VWF: variants seen among roughly 807,000 people sequenced by gnomAD.
VWF encodes Factor VIII related antigen.
A neutral mutation model predicts 308.6 loss-of-function variants in VWF; 176 were observed. That is an observed-to-expected ratio of 0.57 (90% CI 0.50 to 0.65). The LOEUF is 0.65. VWF is among the 30% of genes least tolerant of loss of function. VWF has a pLI of 0.00. For missense variants in VWF, 3,146 were observed against 3,648.2 expected (o/e 0.86, Z 3.55); for synonymous variants, 1,385 against 1,443.4 (o/e 0.96, Z 0.92).
intron 42 of VWF, among the ~76,000 whole-genome samples, chr12:5,981,189 G>A (rs1359284367): frequency 2.6e-5 from 4 of 152,180 alleles, no homozygotes; most frequent in Admixed American, 2.0e-4. Context: ...GAATGGATGG[G>A]TGGATAGATG....
At chr12:6,098,013 G>A (rs1945123679) in intron 5 of VWF, among the ~76,000 whole-genome samples, 1 of 152,184 alleles carries the variant, frequency 6.6e-6, no homozygotes, top group Non-Finnish European at 1.5e-5. Context: ...GACTTCTAGG[G>A]TCGTTTTTAG....
intron 20 of VWF, among the ~76,000 whole-genome samples, chr12:6,032,418 T>A (rs1309045731): frequency 2.0e-5 from 3 of 151,266 alleles, no homozygotes; most frequent in African/African-American, 7.3e-5. Context: ...GGCGGGCGGA[T>A]CACGAGGTCA....
chr12:6,047,630 CCTAA>C (rs1565842899), intron 16 of VWF, among the ~76,000 whole-genome samples: 1 of 152,226 alleles, frequency 6.6e-6, no homozygotes, highest in Admixed American at 6.5e-5. Flanking sequence ...GTAAAAGTCT[CCTAA>C]CTGACTGCAT....
chr12:6,052,880 T>C, intron 15 of VWF, 97 bp from the exon 16 acceptor site: 1 of 1,466,154 alleles, frequency 6.8e-7, no homozygotes, highest in Non-Finnish European at 9.1e-7. Flanking sequence ...TGACCCCCAA[T>C]TATTTAATTA....
At chr12:5,984,893 T>C (rs1316834728) in intron 40 of VWF, 152 bp downstream of exon 40, 1 of 765,650 alleles carries the variant, frequency 1.3e-6, no homozygotes, top group Non-Finnish European at 2.2e-6. Flanking sequence ...GAGGTAACCC[T>C]TTCCACTTTT....
At chr12:5,978,289 G>C (rs1005482834) in intron 42 of VWF, among the ~76,000 whole-genome samples, 7 of 151,868 alleles carry the variant, frequency 4.6e-5, no homozygotes, top group Non-Finnish European at 7.4e-5. Context: ...TTGAGACAAA[G>C]TCTCACTCTG....
chr12:6,026,914 A>G (rs565602666), intron 22 of VWF, among the ~76,000 whole-genome samples: 25 of 152,332 alleles, frequency 1.6e-4, no homozygotes, highest in African/African-American at 5.8e-4. Flanking sequence ...TAAAAATAAT[A>G]ATAAAACAAA....
chr12:6,034,595 C>A, intron 20 of VWF, 93 bp downstream of exon 20: 1 of 1,597,874 alleles, frequency 6.3e-7, no homozygotes, highest in Non-Finnish European at 8.6e-7. Flanking sequence ...AGAGTTGTTT[C>A]TGCAGACAGA....
At chr12:6,083,222 G>A (rs1944933663) in intron 6 of VWF, among the ~76,000 whole-genome samples, 1 of 151,970 alleles carries the variant, frequency 6.6e-6, no homozygotes, top group South Asian at 2.1e-4. Context: ...TTGCCATGTT[G>A]GAAGGGTAGT....
At chr12:6,110,784 C>T in intron 4 of VWF, 82 bp downstream of exon 4, 1 of 1,472,510 alleles carries the variant, frequency 6.8e-7, no homozygotes, top group Non-Finnish European at 9.5e-7. Context: ...ATTCTCTGGG[C>T]CCCAGCTTCC....
intron 20 of VWF, among the ~76,000 whole-genome samples, chr12:6,033,464 G>A (rs1351124683): frequency 6.6e-6 from 1 of 152,246 alleles, no homozygotes. Flanking sequence ...GGTCCTTGCT[G>A]CACTGAATTA....
chr12:6,058,592 T>G lies in VWF; in HGVS notation c.1534-548A>C, dbSNP rs1432082386. The stretch of plus-strand genomic sequence containing the variant: ...CTCACGGTTAATGACAAGAAACACC[T>G]CCCCACAACCTGCTGCCTGCCACTC... On this transcript the variant is annotated intron_variant, in intron 13 of 51. Coordinates refer to ENST00000261405, the MANE Select transcript of VWF (RefSeq NM_000552.5). The surrounding 1 kb of genome is among the most constrained non-coding windows in gnomAD (Gnocchi z 4.9). Among the ~76,000 whole-genome samples the G allele has an allele frequency of 2.0e-5, 3 of 151,814 alleles. No homozygotes were observed. The highest frequency in any genetic ancestry group is 6.6e-5 in the Admixed American group (1 of 15,254).
At chr12:6,001,490 CA>C (rs937371827) in intron 34 of VWF, among the ~76,000 whole-genome samples, 1 of 151,290 alleles carries the variant, frequency 6.6e-6, no homozygotes, top group East Asian at 1.9e-4. Context: ...AAATTCTAGC[CA>C]AAAAAAAGAT....
At chr12:5,964,069 T>G (rs962253739) in intron 47 of VWF, among the ~76,000 whole-genome samples, 39 of 151,986 alleles carry the variant, frequency 2.6e-4, no homozygotes, top group African/African-American at 8.7e-4. Flanking sequence ...AGAAAAAAAT[T>G]AGCTGGGCAT....
At chr12:6,017,029 G>T (rs1364711131) in intron 28 of VWF, among the ~76,000 whole-genome samples, 159 bp from the exon 29 acceptor site, 1 of 152,240 alleles carries the variant, frequency 6.6e-6, no homozygotes, top group African/African-American at 2.4e-5. Context: ...GGCAATGTGG[G>T]CCAGGGAGGA....
At position 5,961,261 on chromosome 12, in the gene VWF, T is replaced by C. The variant is rs1202127067; in HGVS notation, c.7887+6225A>G. ...GAAATAAGGTGCATAATAAACATAATGCATCTGACTCATCCCAAAACAATC... is the reference window on the plus strand; with the variant it reads ...GAAATAAGGTGCATAATAAACATAACGCATCTGACTCATCCCAAAACAATC... On this transcript the variant is annotated intron_variant, in intron 47 of 51. Transcript: ENST00000261405. Among the ~76,000 whole-genome samples, 3 of 152,278 alleles carry C rather than the reference T, an allele frequency of 2.0e-5. No homozygotes were observed. The East Asian group carries it at 5.8e-4, about 29-fold the overall frequency.
At position 5,949,884 on chromosome 12, in the gene VWF, C is replaced by T; in HGVS notation, c.8156-1G>A. On this transcript the variant is annotated splice_acceptor_variant, in intron 50 of 51. Transcript: ENST00000261405. LOFTEE classifies it high-confidence loss of function. ...ATGTCGTTGCACTCAGGCTCCTCAC[C>T]TACAGGACAGGTGAGAGATGAAACT... The T allele has an allele frequency of 1.2e-6, 2 of 1,613,104 alleles. No homozygotes were observed. Among genetic ancestry groups the T allele is most frequent in the Non-Finnish European group, 1.7e-6 (2 of 1,179,994 alleles).
intron 15 of VWF, 81 bp from the exon 16 acceptor site, chr12:6,052,864 T>C: frequency 6.5e-7 from 1 of 1,529,618 alleles, no homozygotes; most frequent in Admixed American, 2.0e-5. Context: ...CCACCCCTTG[T>C]AGCTGTGACC....
rs879830773 is a variant in VWF, at chr12:6,075,159, A to G, written c.874+176T>C. On this transcript the variant is annotated intron_variant, in intron 7 of 51. Transcript: ENST00000261405. The surrounding 1 kb of genome is among the most constrained non-coding windows in gnomAD (Gnocchi z 4.7). ...CGGGGCTTTGGGAAGCCCGTTTGAC[A>G]GAGGGCAGGAGCCATTCAGGAAATG... 5.3e-5 allele frequency among the ~76,000 whole-genome samples: 8 copies of G among 152,096 alleles called. No homozygotes were observed. The highest frequency in any genetic ancestry group is 1.0e-4 in the Non-Finnish European group (7 of 68,006).
Sources: gnomAD v4.1 joint callset for allele counts (sites outside exome capture counted in the v4.1 genomes callset) on GRCh38, gnomAD v4.1.1 for gene constraint, Gnocchi (gnomAD v3.1) non-coding constraint, MANE v1.5 for transcripts, NCBI Gene and HGNC (gene_info 2026-07-23, HGNC 2026-07-21) for gene names.